FBN2: variants seen among roughly 807,000 people sequenced by gnomAD.
FBN2 encodes fibrillin-2.
Under a neutral mutation model 355.6 loss-of-function variants are expected in FBN2, and 105 were observed. The observed-to-expected ratio is 0.30, with a 90% CI of 0.25 to 0.35. The LOEUF (loss-of-function observed/expected upper bound fraction) is 0.35, where lower values mean the gene tolerates loss of function less well. FBN2 is among the 10% of genes least tolerant of loss of function. The pLI is 1.00. For missense variants in FBN2, 3,280 were observed against 3,758.7 expected, an observed-to-expected ratio of 0.87 and a Z score of 3.33; for synonymous variants, 1,350 against 1,301.2, an observed-to-expected ratio of 1.04 and a Z score of -0.81.
intron 20 of FBN2, among the ~76,000 whole-genome samples, chr5:128,355,433 T>C (rs1377709696): frequency 6.6e-6 from 1 of 152,232 alleles, no homozygotes; most frequent in Non-Finnish European, 1.5e-5. Flanking sequence ...TGCAGAATAG[T>C]TGAAGATTAA....
intron 6 of FBN2, among the ~76,000 whole-genome samples, chr5:128,462,483 C>T (rs1754584596): frequency 6.6e-6 from 1 of 152,136 alleles, no homozygotes; most frequent in Non-Finnish European, 1.5e-5. Context: ...CAGAACTTTT[C>T]AACGTGCTTT....
intron 5 of FBN2, among the ~76,000 whole-genome samples, chr5:128,498,712 T>C (rs1327190705): frequency 6.6e-6 from 1 of 152,212 alleles, no homozygotes; most frequent in African/African-American, 2.4e-5. Flanking sequence ...TGAATGTCAG[T>C]AATTATTCTA....
intron 46 of FBN2, among the ~76,000 whole-genome samples, chr5:128,302,144 A>G (rs760158962): frequency 1.3e-5 from 2 of 152,206 alleles, no homozygotes; most frequent in Non-Finnish European, 2.9e-5. Context: ...AATTTTGAAA[A>G]ATAAAGAAAA....
chr5:128,412,991 G>T (rs1211462805), intron 7 of FBN2, among the ~76,000 whole-genome samples: 1 of 152,168 alleles, frequency 6.6e-6, no homozygotes, highest in Non-Finnish European at 1.5e-5. Context: ...CTACTATTTT[G>T]ATTGACAAGG....
chr5:128,447,049 C>G (rs1754084366), intron 6 of FBN2, among the ~76,000 whole-genome samples: 1 of 152,202 alleles, frequency 6.6e-6, no homozygotes, highest in African/African-American at 2.4e-5. Context: ...AATCAATATT[C>G]TTGTGATTTC....
chr5:128,406,427 G>C (rs994003532), intron 8 of FBN2, among the ~76,000 whole-genome samples: 1 of 152,132 alleles, frequency 6.6e-6, no homozygotes, highest in South Asian at 2.1e-4. Flanking sequence ...CTCAGCATAC[G>C]ATTTCTTTCC....
At chr5:128,386,999 T>C (rs1752383419) in intron 11 of FBN2, among the ~76,000 whole-genome samples, 1 of 152,158 alleles carries the variant, frequency 6.6e-6, no homozygotes, top group African/African-American at 2.4e-5. Flanking sequence ...ATTTTTGGAA[T>C]AGTTTCAATA....
chr5:128,270,166 C>T (rs1765231918), intron 62 of FBN2, among the ~76,000 whole-genome samples: 1 of 152,188 alleles, frequency 6.6e-6, no homozygotes, highest in South Asian at 2.1e-4. Flanking sequence ...AACTGGACCC[C>T]TTCCTTACAC....
Position 128,311,117 on chromosome 5 carries a change from G to A in FBN2, c.5074+183C>T, listed in dbSNP as rs189302644. 1.6e-3 allele frequency among the ~76,000 whole-genome samples: 235 copies of A among 151,058 alleles called. No homozygotes were observed. Among genetic ancestry groups the A allele is most frequent in the Non-Finnish European group, 1.3e-3 (91 of 67,916 alleles). On this transcript the variant is annotated intron_variant, in intron 39 of 64. Coordinates refer to ENST00000262464, the MANE Select transcript of FBN2 (RefSeq NM_001999.4). ...GAAAAATACAGTGAATTATGGCAAC[G>A]AGCCATAAATTAATTTGTCTATCAT...
Position 128,344,425 on chromosome 5 carries a change from A to G in FBN2, c.3303T>C (p.Asn1101=), listed in dbSNP as rs1401104800. Residue 1101 remains asparagine (N), a synonymous_variant, in exon 25 of 65, where the codon AAT becomes AAC. Coordinates refer to ENST00000262464, the MANE Select transcript of FBN2 (RefSeq NM_001999.4). ...CCTCCATGTCTAGAGCAAAGCCACT[A>G]TTGCAACGGCATTTGAAGCTTCCGA... ...NTIGSFKCRC[N]SGFALDMEER... 3 of 1,613,768 alleles carry G rather than the reference A, an allele frequency of 1.9e-6. No individual in the cohort carries two copies. The highest frequency in any genetic ancestry group is 1.7e-6 in the Non-Finnish European group (2 of 1,179,762).
At chr5:128,496,561 G>A (rs901646589) in intron 5 of FBN2, among the ~76,000 whole-genome samples, 15 of 152,202 alleles carry the variant, frequency 9.9e-5, no homozygotes, top group Middle Eastern at 3.4e-3. Flanking sequence ...ATTTAATGGT[G>A]AAATACTTGT....
intron 6 of FBN2, among the ~76,000 whole-genome samples, chr5:128,460,301 G>T (rs1272649346): frequency 2.0e-5 from 3 of 152,190 alleles, no homozygotes; most frequent in Admixed American, 6.5e-5. Context: ...ACTTACGAGG[G>T]ATGTGAAAGG....
At chr5:128,311,821 C>G (rs1275572881) in intron 38 of FBN2, 64 bp downstream of exon 38, 1 of 1,272,138 alleles carries the variant, frequency 7.9e-7, no homozygotes, top group Non-Finnish European at 1.1e-6. Context: ...GGTTTTCTGC[C>G]AGCTTTTCTC....
intron 31 of FBN2, 98 bp from the exon 32 acceptor site, chr5:128,333,132 T>C: frequency 9.5e-7 from 1 of 1,056,970 alleles, no homozygotes; most frequent in Non-Finnish European, 1.5e-6. Context: ...AAAGTAAAGA[T>C]GCAACCGTAT....
At chr5:128,366,119 T>G (rs1040130671) in intron 17 of FBN2, among the ~76,000 whole-genome samples, 6 of 149,250 alleles carry the variant, frequency 4.0e-5, no homozygotes, top group Non-Finnish European at 7.5e-5. Context: ...AATGACTGAC[T>G]GAAATCAGGA....
At chr5:128,471,455 T>A (rs558042521) in intron 5 of FBN2, among the ~76,000 whole-genome samples, 1 of 152,300 alleles carries the variant, frequency 6.6e-6, no homozygotes, top group South Asian at 2.1e-4. Context: ...TAAACTCAAA[T>A]AACTGATATA....
chr5:128,419,048 C>T (rs565899368), intron 7 of FBN2, among the ~76,000 whole-genome samples: 2 of 152,324 alleles, frequency 1.3e-5, no homozygotes, highest in Admixed American at 1.3e-4. Flanking sequence ...GTGTACAAAT[C>T]TATCACCTAC....
Position 128,366,443 on chromosome 5 carries a change from A to C in FBN2, c.2249-13T>G. On this transcript the variant is annotated splice_polypyrimidine_tract_variant and intron_variant, in intron 16 of 64. Coordinates refer to ENST00000262464, the MANE Select transcript of FBN2 (RefSeq NM_001999.4). ...CCGTGGAATTCAGCTGTATGACAAA[A>C]AGAAATAGAAGAATTAAAAACTTAA... 1 of 1,575,884 alleles carries C rather than the reference A, an allele frequency of 6.3e-7. No individual in the cohort carries two copies. The highest frequency in any genetic ancestry group is 8.7e-7 in the Non-Finnish European group (1 of 1,148,054).
At chr5:128,264,608 T>G (rs1000865395) in intron 62 of FBN2, among the ~76,000 whole-genome samples, 12 of 152,270 alleles carry the variant, frequency 7.9e-5, no homozygotes, top group African/African-American at 2.4e-4. Context: ...GTGGCTTGAC[T>G]TCTTTGGGCT....
Sources: allele counts gnomAD v4.1 joint callset (sites outside exome capture counted in the v4.1 genomes callset), GRCh38; gene constraint gnomAD v4.1.1; transcripts MANE v1.5; gene names NCBI Gene and HGNC (gene_info 2026-07-23, HGNC 2026-07-21).